The following MYO9A variants were observed in gnomAD, a reference collection of about 807,000 sequenced individuals.
MYO9A encodes the protein myosin IXA.
A neutral mutation model predicts 293.3 loss-of-function variants in MYO9A; 103 were observed. The observed-to-expected ratio is 0.35, with a 90% CI of 0.30 to 0.41. The LOEUF (loss-of-function observed/expected upper bound fraction) is 0.41, where lower values mean the gene tolerates loss of function less well. MYO9A is among the 10% of genes least tolerant of loss of function. MYO9A has a pLI of 1.00. For synonymous variants in MYO9A, 1,001 were observed against 1,035.7 expected, an observed-to-expected ratio of 0.97 and a Z score of 0.64; for missense variants, 2,685 against 3,033.0, an observed-to-expected ratio of 0.89 and a Z score of 2.69.
chr15:71,952,939 C>T (rs1420622021), intron 14 of MYO9A, among the ~76,000 whole-genome samples: 1 of 152,064 alleles, frequency 6.6e-6, no homozygotes, highest in Non-Finnish European at 1.5e-5. Context: ...TTCTAATTCC[C>T]TAAATTGGAT....
chr15:71,924,992 C>A (rs1230156804), intron 18 of MYO9A, among the ~76,000 whole-genome samples: 1 of 151,824 alleles, frequency 6.6e-6, no homozygotes, highest in Non-Finnish European at 1.5e-5. Flanking sequence ...TTGTAAATGT[C>A]TGTTAGGTTC....
rs2128112 is a variant in MYO9A, at chr15:71,893,945, A to T, written c.5043-167T>A. Among the ~76,000 whole-genome samples, 99,908 of 152,046 alleles carry T rather than the reference A, an allele frequency of 0.66. 33,687 individuals carry two copies. The highest frequency in any genetic ancestry group is 0.74 in the Middle Eastern group (218 of 294). On this transcript the variant is annotated intron_variant, in intron 25 of 41. Transcript: ENST00000356056. ...AGCTAATTAGTAATAATAATCCTGA[A>T]CCTACGCATAAGACTGAATTACTAA...
intron 2 of MYO9A, among the ~76,000 whole-genome samples, chr15:72,037,827 G>T (rs1169367484): frequency 6.6e-6 from 1 of 151,662 alleles, no homozygotes; most frequent in Non-Finnish European, 1.5e-5. Flanking sequence ...AAAAGTATGG[G>T]CATGGGAAAA....
rs558983748 is a variant in MYO9A, at chr15:71,830,171, T to G, written c.6978A>C (p.Gln2326His). 3.7e-6 allele frequency: 6 copies of G among 1,614,172 alleles called. No homozygotes were observed. Among genetic ancestry groups the G allele is most frequent in the Middle Eastern group, 1.7e-4 (1 of 6,060 alleles). Residue 2326 changes from glutamine to histidine, a missense_variant, in exon 40 of 42, where the codon CAA (glutamine) becomes CAC (histidine). Around this residue, in one of 10 missense-constraint regions of MYO9A, gnomAD observed 350 missense variants for 328.9 expected, o/e 1.06. Transcript: ENST00000356056. ...AMETDITEQQ[Q>H]AAMQQEERVL... ...CTCTCTCCTCCTGCTGCATAGCTGC[T>G]TGCTGCTGTTCTGTGATGTCAGTCT...
chr15:71,929,480 GTTGAGC>G (rs1441826136), intron 18 of MYO9A, among the ~76,000 whole-genome samples: 1 of 152,164 alleles, frequency 6.6e-6, no homozygotes, highest in Admixed American at 6.5e-5. Flanking sequence ...TACCTAATTC[GTTGAGC>G]TTTTATCATG....
chr15:71,994,282 AAC>A (rs1298329172), intron 10 of MYO9A, among the ~76,000 whole-genome samples, 185 bp downstream of exon 10: 2 of 152,178 alleles, frequency 1.3e-5, no homozygotes, highest in Non-Finnish European at 2.9e-5. Flanking sequence ...GGGAGGTAAA[AAC>A]ACATAATAAA....
chr15:71,956,328 A>ATTATATATATATATATAT (rs1555490908), intron 14 of MYO9A, among the ~76,000 whole-genome samples: 2 of 15,174 alleles, frequency 1.3e-4, no homozygotes, highest in African/African-American at 3.4e-4. Flanking sequence ...AAAAAAAAAA[A>ATTATATATATATATATAT]AAATATATAT....
At chr15:71,835,894 T>C (rs920623906) in intron 39 of MYO9A, among the ~76,000 whole-genome samples, 1 of 152,004 alleles carries the variant, frequency 6.6e-6, no homozygotes, top group African/African-American at 2.4e-5. Context: ...GGTACAAAGA[T>C]AGTCAAAACA....
chr15:71,862,658 T>A, intron 32 of MYO9A, 47 bp from the exon 33 acceptor site: 1 of 1,289,848 alleles, frequency 7.8e-7, no homozygotes, highest in African/African-American at 1.5e-5. Flanking sequence ...ACACAGTAAA[T>A]GCTGCCCTAA....
intron 39 of MYO9A, among the ~76,000 whole-genome samples, chr15:71,834,908 T>C (rs556141946): frequency 1.3e-5 from 2 of 152,276 alleles, no homozygotes; most frequent in East Asian, 3.9e-4. Flanking sequence ...TTTAAATATA[T>C]GAAAAGTTGG....
At chr15:72,041,166 G>T in intron 2 of MYO9A, 1 of 964,088 alleles carries the variant, frequency 1.0e-6, no homozygotes, top group Non-Finnish European at 1.6e-6. Context: ...AATTGCTTAA[G>T]CCAGGGAGGT....
chr15:71,941,159 G>A (rs1278498119), intron 15 of MYO9A, among the ~76,000 whole-genome samples: 1 of 152,152 alleles, frequency 6.6e-6, no homozygotes, highest in African/African-American at 2.4e-5. Context: ...GATCTGGTCA[G>A]GTGCAGTGGC....
intron 39 of MYO9A, among the ~76,000 whole-genome samples, chr15:71,842,321 G>A (rs2055194964): frequency 6.6e-6 from 1 of 152,040 alleles, no homozygotes; most frequent in Non-Finnish European, 1.5e-5. Context: ...AGGTTGCAGT[G>A]AGCCAAGATT....
At position 71,960,069 on chromosome 15, in the gene MYO9A, T is replaced by C. The variant is rs759144208; in HGVS notation, c.2014A>G (p.Met672Val). Residue 672 changes from methionine to valine, a missense_variant, in exon 14 of 42, where the codon ATG becomes GTG. By Grantham distance (21) the Met-to-Val change is conservative. Transcript: ENST00000356056. The stretch of plus-strand genomic sequence containing the variant: ...AGAAGAGCTACAATGTCTGGGCGCA[T>C]ATGATCTGTATTTTTTTCCCGGAAA... ...KDFREKNTDHMRPDIVALLRS... is the reference protein window; with the variant it reads ...KDFREKNTDHVRPDIVALLRS... The C allele has an allele frequency of 1.2e-6, 2 of 1,613,928 alleles. No homozygotes were observed. Among genetic ancestry groups the C allele is most frequent in the Admixed American group, 1.7e-5 (1 of 60,002 alleles).
At chr15:72,101,500 T>A (rs1237578864) in intron 1 of MYO9A, among the ~76,000 whole-genome samples, 7 of 98,868 alleles carry the variant, frequency 7.1e-5, no homozygotes, top group Non-Finnish European at 1.4e-4. Context: ...AGCCGCCCCG[T>A]CCGGGAGGGA....
chr15:72,026,063 G>C (rs1450109274), intron 4 of MYO9A, among the ~76,000 whole-genome samples: 2 of 151,844 alleles, frequency 1.3e-5, no homozygotes, highest in Non-Finnish European at 2.9e-5. Flanking sequence ...CACAAGGTCA[G>C]GAGATCGAGA....
chr15:71,990,069 C>A (rs912043278), intron 11 of MYO9A, among the ~76,000 whole-genome samples: 1 of 143,404 alleles, frequency 7.0e-6, no homozygotes, highest in Non-Finnish European at 1.5e-5. Context: ...AAGGTGCAAT[C>A]AAATAAGCAT....
At chr15:72,090,877 G>A (rs2079882687) in intron 1 of MYO9A, among the ~76,000 whole-genome samples, 1 of 151,890 alleles carries the variant, frequency 6.6e-6, no homozygotes, top group Admixed American at 6.6e-5. Flanking sequence ...AACAATGATT[G>A]GGTGCTGGGC....
chr15:72,002,044 C>T lies in MYO9A; in HGVS notation c.1381-2104G>A, dbSNP rs546442280. The stretch of plus-strand genomic sequence containing the variant: ...CCAAGGCAGTAGGACTGCTTGAGCT[C>T]AGGAGTTAAAGACCAGGTTGGACAA... On this transcript the variant is annotated intron_variant, in intron 8 of 41. Coordinates refer to ENST00000356056, the MANE Select transcript of MYO9A (RefSeq NM_006901.4). Among the ~76,000 whole-genome samples, 28 of 152,196 alleles carry T rather than the reference C, an allele frequency of 1.8e-4. 1 individual carries two copies. In the South Asian group the frequency reaches 5.8e-3, roughly 32 times the overall value.
Sources: gnomAD v4.1 joint callset for allele counts (sites outside exome capture counted in the v4.1 genomes callset) on GRCh38, gnomAD v4.1.1 for gene constraint, gnomAD v4.1.1 regional missense constraint, MANE v1.5 for transcripts, NCBI Gene and HGNC (gene_info 2026-07-23, HGNC 2026-07-21) for gene names.